The following TXNL4A variants were observed in gnomAD, a reference collection of about 807,000 sequenced individuals.
The protein encoded by TXNL4A is thioredoxin like 4A.
In TXNL4A, 17 loss-of-function variants were observed where a neutral mutation model predicts 14.6. The observed-to-expected ratio is 1.16, with a 90% CI of 0.80 to 1.74. The LOEUF is 1.74. Among genes scored for constraint, TXNL4A ranks in the 40% most tolerant of loss-of-function variants. The pLI is 0.00. For synonymous variants in TXNL4A, 83 were observed against 70.6 expected (o/e 1.18, Z -0.88); for missense variants, 74 against 195.2 (o/e 0.38, Z 3.70).
intron 1 of TXNL4A, among the ~76,000 whole-genome samples, chr18:80,022,413 G>T (rs1206591687): frequency 2.0e-5 from 3 of 152,210 alleles, no homozygotes; most frequent in Non-Finnish European, 2.9e-5. Flanking sequence ...AGGTTATCTT[G>T]CAAGGCAAAG....
intron 1 of TXNL4A, among the ~76,000 whole-genome samples, chr18:80,030,857 C>T (rs1252866415): frequency 6.6e-6 from 1 of 152,132 alleles, no homozygotes; most frequent in Admixed American, 6.5e-5. Flanking sequence ...ATCCCAGCTA[C>T]TTGGCAGGCT....
At chr18:79,995,269 C>A (rs1395934316) in intron 1 of TXNL4A, 2 of 152,204 alleles carry the variant, frequency 1.3e-5, no homozygotes, top group African/African-American at 4.8e-5. Flanking sequence ...GCACAGTGGT[C>A]AGACATTGTA....
chr18:80,014,170 TC>T (rs1197367279), intron 1 of TXNL4A, among the ~76,000 whole-genome samples: 1 of 152,072 alleles, frequency 6.6e-6, no homozygotes, highest in Non-Finnish European at 1.5e-5. Context: ...ATATCATTCT[TC>T]CCCGGCCCCT....
At chr18:79,974,454 A>G (rs188082929) in intron 2 of TXNL4A, among the ~76,000 whole-genome samples, 1 of 152,360 alleles carries the variant, frequency 6.6e-6, no homozygotes, top group East Asian at 1.9e-4. Flanking sequence ...ACTTTACAAG[A>G]TAAGGATATT....
chr18:79,989,579 C>G (rs1053545266), upstream of TXNL4A, among the ~76,000 whole-genome samples: 1 of 152,226 alleles, frequency 6.6e-6, no homozygotes, highest in Non-Finnish European at 1.5e-5. Context: ...CCTCTAACCT[C>G]TGTTCTTCTG....
At chr18:80,013,218 G>A (rs1286873215) in intron 1 of TXNL4A, among the ~76,000 whole-genome samples, 2 of 151,250 alleles carry the variant, frequency 1.3e-5, no homozygotes, top group Non-Finnish European at 2.9e-5. Flanking sequence ...CGCCTCCTGG[G>A]TTCACACCAT....
At chr18:80,032,496 C>T (rs528239662) in intron 1 of TXNL4A, among the ~76,000 whole-genome samples, 4 of 152,186 alleles carry the variant, frequency 2.6e-5, no homozygotes, top group African/African-American at 7.2e-5. Context: ...AAAGGCTACA[C>T]GCCTCCCCCA....
chr18:80,010,849 C>T (rs753490975), intron 1 of TXNL4A, among the ~76,000 whole-genome samples: 7 of 152,110 alleles, frequency 4.6e-5, no homozygotes, highest in Admixed American at 6.6e-5. Context: ...GACCTTGGGC[C>T]GGGGGCTCTC....
intron 1 of TXNL4A, among the ~76,000 whole-genome samples, chr18:80,002,040 G>T (rs950792086): frequency 6.6e-6 from 1 of 152,150 alleles, no homozygotes; most frequent in African/African-American, 2.4e-5. Context: ...CATGTGTTTT[G>T]GGAGGGATCT....
chr18:80,022,002 T>TC (rs138485531), intron 1 of TXNL4A, among the ~76,000 whole-genome samples: 2 of 151,604 alleles, frequency 1.3e-5, no homozygotes, highest in African/African-American at 4.8e-5. Context: ...CCTTTTTTTT[T>TC]TGCAATAGGG....
chr18:79,987,382 C>A (rs2051567348), intron 1 of TXNL4A, among the ~76,000 whole-genome samples: 1 of 152,206 alleles, frequency 6.6e-6, no homozygotes, highest in Non-Finnish European at 1.5e-5. Flanking sequence ...CCCAGGCCTA[C>A]TTTTTAGCAT....
intron 1 of TXNL4A, among the ~76,000 whole-genome samples, chr18:80,008,812 C>G (rs752808664): frequency 6.6e-6 from 1 of 152,214 alleles, no homozygotes; most frequent in African/African-American, 2.4e-5. Context: ...GAGTCTCGCT[C>G]TGTCCCCCAG....
intron 1 of TXNL4A, among the ~76,000 whole-genome samples, chr18:80,029,378 T>C (rs567697723): frequency 1.3e-5 from 2 of 152,342 alleles, no homozygotes; most frequent in East Asian, 3.9e-4. Flanking sequence ...AGCTTGATTT[T>C]ATTCAGCTGC....
chr18:80,029,025 G>A (rs553176631), intron 1 of TXNL4A, among the ~76,000 whole-genome samples: 17 of 152,276 alleles, frequency 1.1e-4, no homozygotes, highest in African/African-American at 3.9e-4. Flanking sequence ...CATAAAACCC[G>A]AAACACTTAG....
At chr18:80,007,266 G>A (rs892677464) in intron 1 of TXNL4A, among the ~76,000 whole-genome samples, 5 of 152,154 alleles carry the variant, frequency 3.3e-5, no homozygotes, top group African/African-American at 1.2e-4. Context: ...TGGGAGCATC[G>A]GCAAGCTACT....
At chr18:80,014,646 T>C (rs1046566616) in intron 1 of TXNL4A, among the ~76,000 whole-genome samples, 1 of 152,136 alleles carries the variant, frequency 6.6e-6, no homozygotes, top group Non-Finnish European at 1.5e-5. Context: ...ACGCCATGTT[T>C]AGTTTTCCAG....
chr18:79,980,718 G>A (rs1322278774), intron 1 of TXNL4A, among the ~76,000 whole-genome samples: 1 of 151,720 alleles, frequency 6.6e-6, no homozygotes, highest in Non-Finnish European at 1.5e-5. Flanking sequence ...AGGAGCGTGC[G>A]CCTCGCCATC....
chr18:79,989,747 C>G (rs2051612024), upstream of TXNL4A, among the ~76,000 whole-genome samples: 1 of 152,122 alleles, frequency 6.6e-6, no homozygotes, highest in East Asian at 1.9e-4. Flanking sequence ...GTAATCCCAG[C>G]ACTTTGGGAG....
intron 1 of TXNL4A, among the ~76,000 whole-genome samples, chr18:79,983,419 C>T (rs961149494): frequency 5.9e-5 from 9 of 152,200 alleles, no homozygotes; most frequent in Non-Finnish European, 1.3e-4. Context: ...AAGTGCTCAG[C>T]AGTTCTTCCG....
Sources: allele counts gnomAD v4.1 joint callset (sites outside exome capture counted in the v4.1 genomes callset), GRCh38; gene constraint gnomAD v4.1.1; transcripts MANE v1.5; gene names NCBI Gene and HGNC (gene_info 2026-07-23, HGNC 2026-07-21).